Variants in UNC13A observed in about 807,000 individuals in gnomAD.
The protein encoded by UNC13A is protein unc-13 homolog A.
A neutral mutation model predicts 219.7 loss-of-function variants in UNC13A; 61 were observed. That is an observed-to-expected ratio of 0.28 (90% confidence interval 0.23 to 0.34). The LOEUF (loss-of-function observed/expected upper bound fraction) is 0.34. Among genes scored for constraint, UNC13A ranks in the 10% least tolerant of loss-of-function variants. The pLI is 1.00. For missense variants in UNC13A, 1,476 were observed against 2,270.3 expected (o/e 0.65, Z 7.11); for synonymous variants, 920 against 884.6 (o/e 1.04, Z -0.71).
intron 1 of UNC13A, among the ~76,000 whole-genome samples, chr19:17,687,250 T>A (rs1311265026): frequency 6.6e-6 from 1 of 151,480 alleles, no homozygotes; most frequent in Non-Finnish European, 1.5e-5. Context: ...ACGCAGAGCG[T>A]GGGCCTGGGC....
chr19:17,668,302 A>C (rs2079702705), intron 5 of UNC13A, 112 bp from the exon 6 acceptor site: 2 of 1,003,334 alleles, frequency 2.0e-6, no homozygotes, highest in South Asian at 2.9e-5. Flanking sequence ...TCTTTGGCAA[A>C]GCCTCAGAAG....
At chr19:17,614,829 G>A (rs1488259098) in intron 41 of UNC13A, among the ~76,000 whole-genome samples, 4 of 151,732 alleles carry the variant, frequency 2.6e-5, no homozygotes, top group Non-Finnish European at 5.9e-5. Context: ...CAGCCGCCCC[G>A]CCCTCCCCCA....
At position 17,617,794 on chromosome 19, in the gene UNC13A, G is replaced by A; in HGVS notation, c.4466C>T (p.Pro1489Leu). The A allele has an allele frequency of 2.5e-6, 4 of 1,613,950 alleles. No homozygotes were observed. Among genetic ancestry groups the A allele is most frequent in the Non-Finnish European group, 3.4e-6 (4 of 1,179,862 alleles). ...GGCATAGCGCAAGGATTGCAGGTCC[G>A]GGCTCTTCTCCAGGAAGGTCTTCTT... Reference protein sequence around the residue: ...GLKKTFLEKSPDLQSLRYALS... With the variant: ...GLKKTFLEKSLDLQSLRYALS... The change falls in exon 41 of 44, where the codon CCG becomes CTG. Residue 1489 changes from proline to leucine, a missense_variant. Transcript: ENST00000519716.
chr19:17,608,250 A>C (rs1419145883), intron 43 of UNC13A, among the ~76,000 whole-genome samples: 1 of 141,784 alleles, frequency 7.1e-6, no homozygotes, highest in Non-Finnish European at 1.5e-5. Flanking sequence ...ACAATATATA[A>C]TATATGAAAT....
At chr19:17,638,302 C>T (rs1364077919) in intron 25 of UNC13A, among the ~76,000 whole-genome samples, 5 of 151,528 alleles carry the variant, frequency 3.3e-5, no homozygotes, top group Admixed American at 3.3e-4. Context: ...GATGCCATCT[C>T]CACAAAAATA....
intron 30 of UNC13A, among the ~76,000 whole-genome samples, 177 bp downstream of exon 30, chr19:17,629,968 C>T (rs1167831824): frequency 5.9e-5 from 9 of 151,906 alleles, no homozygotes; most frequent in African/African-American, 2.2e-4. Flanking sequence ...TCATCTCAAC[C>T]TCAACCTCAA....
intron 42 of UNC13A, among the ~76,000 whole-genome samples, chr19:17,610,732 G>A (rs1276263273): frequency 6.6e-5 from 10 of 152,026 alleles, no homozygotes; most frequent in Admixed American, 6.6e-4. Context: ...TATAGTGGAG[G>A]AAAAACACAT....
At chr19:17,628,618 A>C (rs2076809265) in intron 31 of UNC13A, among the ~76,000 whole-genome samples, 1 of 152,122 alleles carries the variant, frequency 6.6e-6, no homozygotes, top group Non-Finnish European at 1.5e-5. Context: ...AATATGAGAC[A>C]CACACCTAGA....
rs1225525944 is a variant in UNC13A at position 17,688,236 on chromosome 19, C to A, written c.-37G>T. The A allele has an allele frequency of 6.8e-6, 10 of 1,479,034 alleles. No individual in the cohort carries two copies. The highest frequency in any genetic ancestry group is 9.0e-6 in the Non-Finnish European group (10 of 1,114,982). The allele number at this position is 1,479,034 out of a possible 1,614,324, so 91.6% of individuals were successfully genotyped here. On this transcript the variant is annotated 5_prime_UTR_variant, in exon 1 of 44. Coordinates refer to ENST00000519716, the MANE Select transcript of UNC13A (RefSeq NM_001080421.3). ...CGCAGGTGGGCCGGAGGCGGCCGGG[C>A]CGGCTCTGTCGGGTCGGGCTCAGCG...
At chr19:17,618,623 C>T (rs901448869) in intron 39 of UNC13A, 122 bp from the exon 40 acceptor site, 3 of 1,000,858 alleles carry the variant, frequency 3.0e-6, no homozygotes, top group African/African-American at 3.2e-5. Flanking sequence ...TTTTCATCAT[C>T]CCAGCACCCA....
intron 11 of UNC13A, among the ~76,000 whole-genome samples, chr19:17,653,498 C>A (rs988347242): frequency 1.3e-5 from 2 of 151,852 alleles, no homozygotes; most frequent in Admixed American, 6.6e-5. Context: ...CAGGTGCCCA[C>A]CACCACACCC....
intron 40 of UNC13A, 42 bp downstream of exon 40, chr19:17,618,379 C>G: frequency 6.4e-7 from 1 of 1,551,556 alleles, no homozygotes. Flanking sequence ...GCCACACCCT[C>G]TACATCCCCC....
intron 26 of UNC13A, 118 bp from the exon 27 acceptor site, chr19:17,633,311 G>T: frequency 2.2e-6 from 2 of 901,794 alleles, no homozygotes; most frequent in East Asian, 2.5e-5. Flanking sequence ...TTGGGTTCAG[G>T]TTCCCTCATA....
chr19:17,630,026 A>C, intron 30 of UNC13A, 119 bp downstream of exon 30: 1 of 1,187,354 alleles, frequency 8.4e-7, no homozygotes, highest in Non-Finnish European at 1.2e-6. Flanking sequence ...TTCAATCCCA[A>C]CCTCAATGAC....
Position 17,648,592 on chromosome 19 carries a change from G to C in UNC13A, c.1655C>G (p.Thr552Arg). 1 of 1,613,864 alleles carries C rather than the reference G, an allele frequency of 6.2e-7. No individual in the cohort carries two copies. The highest frequency in any genetic ancestry group is 8.5e-7 in the Non-Finnish European group (1 of 1,179,830). ...QALIYPISCT[T>R]PHNFEVWTAT... is the part of the protein sequence containing the mutation. ...CGTCCACACTTCGAAGTTGTGTGGCGTCGTGCACGAGATGGGGTAGATTAA... is the reference window on the plus strand; with the variant it reads ...CGTCCACACTTCGAAGTTGTGTGGCCTCGTGCACGAGATGGGGTAGATTAA... The change falls in exon 16 of 44, where the codon ACG becomes AGG. Residue 552 changes from threonine (T) to arginine (R), a missense_variant. Physicochemically the swap from Thr to Arg is moderately conservative, Grantham distance 71 (BLOSUM62 -1). This residue lies in a region of UNC13A where 85 missense variants were observed against 211.5 expected (regional missense o/e 0.40). Coordinates refer to ENST00000519716, the MANE Select transcript of UNC13A (RefSeq NM_001080421.3).
chr19:17,666,199 T>TCTCTTTCTTTC (rs760106069), intron 7 of UNC13A, among the ~76,000 whole-genome samples: 24 of 144,176 alleles, frequency 1.7e-4, no homozygotes, highest in South Asian at 6.5e-4. Context: ...CTTTCTCTCT[T>TCTCTTTCTTTC]TCTTTCTCTT....
intron 1 of UNC13A, 197 bp from the exon 2 acceptor site, chr19:17,676,238 A>G: frequency 1.4e-6 from 1 of 698,114 alleles, no homozygotes; most frequent in Admixed American, 2.0e-5. Context: ...AGACAGAGAC[A>G]AGGGGAGGAG....
chr19:17,649,135 C>T lies in UNC13A; in HGVS notation c.1525-152G>A, dbSNP rs1239326869. 8.3e-7 allele frequency: 1 copy of T among 1,198,926 alleles called. No homozygotes were observed. The highest frequency in any genetic ancestry group is 1.2e-6 in the Non-Finnish European group (1 of 849,956). 74.3% of individuals were successfully genotyped at this position (1,198,926 alleles called of 1,614,324 possible). On this transcript the variant is annotated intron_variant, in intron 14 of 43. Coordinates refer to ENST00000519716, the MANE Select transcript of UNC13A (RefSeq NM_001080421.3). The surrounding 1 kb of genome is among the most constrained non-coding windows in gnomAD (Gnocchi z 4.4). The stretch of plus-strand genomic sequence containing the variant: ...TCACCGACAGCATCCGGGCCAGACC[C>T]AACAAAGAATTAGGAGGTGACAGAG...
Position 17,606,207 on chromosome 19 carries a change from C to T in UNC13A, c.4959G>A (p.Leu1653=), listed in dbSNP as rs1283270374. ...CCATGTGGATGCGGCGGCCGAGCGG[C>T]AGCCAGCAGGCGGCGCTCCCGCGCT... The part of the protein sequence containing the change: ...LAQRGSAACW[L]PLGRRIHMDD... The change falls in exon 44 of 44, where the codon CTG becomes CTA. Residue 1653 remains leucine, a synonymous_variant. Transcript: ENST00000519716. 14 of 1,556,676 alleles carry T rather than the reference C, an allele frequency of 9.0e-6. No homozygotes were observed. The highest frequency in any genetic ancestry group is 1.2e-5 in the Non-Finnish European group (14 of 1,152,218).
Sources: allele counts gnomAD v4.1 joint callset (sites outside exome capture counted in the v4.1 genomes callset), GRCh38; gene constraint gnomAD v4.1.1; regional missense constraint gnomAD v4.1.1; non-coding constraint Gnocchi (gnomAD v3.1); transcripts MANE v1.5; gene names NCBI Gene and HGNC (gene_info 2026-07-23, HGNC 2026-07-21).